Variants in ASIC2 observed in about 807,000 individuals in gnomAD.
ASIC2 encodes acid sensing ion channel subunit 2.
A neutral mutation model predicts 57.3 loss-of-function variants in ASIC2; 25 were observed. The observed-to-expected ratio is 0.44, with a 90% CI of 0.32 to 0.61. The LOEUF (loss-of-function observed/expected upper bound fraction) is 0.61, where lower values mean the gene tolerates loss of function less well. Among genes scored for constraint, ASIC2 ranks in the 20% least tolerant of loss-of-function variants. The probability of loss-of-function intolerance (pLI) is 0.06; values close to 1 mark genes in which losing one functional copy is unlikely to be tolerated. For synonymous variants in ASIC2, 319 were observed against 307.5 expected, an observed-to-expected ratio of 1.04 and a Z score of -0.39; for missense variants, 641 against 738.1, an observed-to-expected ratio of 0.87 and a Z score of 1.52.
Position 33,555,152 on chromosome 17 carries a change from C to T in ASIC2, c.556-443085G>A, listed in dbSNP as rs751240127. On this transcript the variant is annotated intron_variant, in intron 1 of 9. Transcript: ENST00000359872. The stretch of plus-strand genomic sequence containing the variant: ...GATGTCTCAGAAAGTTATGGGCACG[C>T]GGGTAACAGAATGGTCCGTGGCTAC... Among the ~76,000 whole-genome samples the T allele has an allele frequency of 1.8e-4, 28 of 152,096 alleles. 1 individual carries two copies. The highest frequency in any genetic ancestry group is 3.9e-4 in the Admixed American group (6 of 15,260).
chr17:33,164,584 AC>A (rs777552848), intron 1 of ASIC2, among the ~76,000 whole-genome samples: 1 of 151,062 alleles, frequency 6.6e-6, no homozygotes. Context: ...ACGCACACAC[AC>A]ACACACACAC....
chr17:33,162,366 G>C (rs540994793), intron 1 of ASIC2, among the ~76,000 whole-genome samples: 1 of 152,072 alleles, frequency 6.6e-6, no homozygotes, highest in Non-Finnish European at 1.5e-5. Flanking sequence ...AAATCTCCTC[G>C]CACGGAACAT....
At chr17:33,191,719 T>C (rs1906426981) in intron 1 of ASIC2, among the ~76,000 whole-genome samples, 1 of 152,154 alleles carries the variant, frequency 6.6e-6, no homozygotes, top group Admixed American at 6.5e-5. Flanking sequence ...TAATGCCCCA[T>C]GTGATTACAG....
At chr17:33,760,350 T>C (rs1910743348) in intron 1 of ASIC2, among the ~76,000 whole-genome samples, 1 of 152,092 alleles carries the variant, frequency 6.6e-6, no homozygotes, top group African/African-American at 2.4e-5. Context: ...CACTGGATTG[T>C]CAACAGAACA....
intron 1 of ASIC2, chr17:33,932,722 A>AG (rs1915962109): frequency 1.0e-5 from 1 of 95,926 alleles, no homozygotes; most frequent in Non-Finnish European, 2.1e-5. Context: ...TCAAAAAAAA[A>AG]AAAAAAAAAA....
At chr17:33,452,742 T>TGTGTGTGA (rs1288886251) in intron 1 of ASIC2, among the ~76,000 whole-genome samples, 1 of 148,610 alleles carries the variant, frequency 6.7e-6, no homozygotes, top group Non-Finnish European at 1.5e-5. Context: ...GAGTGGGGTG[T>TGTGTGTGA]GTGTGTGTGT....
intron 1 of ASIC2, among the ~76,000 whole-genome samples, chr17:33,388,458 CCA>C (rs1326596526): frequency 1.3e-5 from 2 of 152,206 alleles, no homozygotes; most frequent in African/African-American, 4.8e-5. Flanking sequence ...TACACCCATA[CCA>C]CAGAGAATGA....
intron 1 of ASIC2, among the ~76,000 whole-genome samples, chr17:33,860,431 G>A (rs901775282): frequency 4.6e-5 from 7 of 152,190 alleles, no homozygotes; most frequent in African/African-American, 1.7e-4. Context: ...GGGGGCCAGA[G>A]AGCCTACCCA....
At chr17:33,660,593 C>A (rs1236453693) in intron 1 of ASIC2, among the ~76,000 whole-genome samples, 2 of 152,132 alleles carry the variant, frequency 1.3e-5, no homozygotes, top group Non-Finnish European at 2.9e-5. Flanking sequence ...AAACCAGTAG[C>A]ACAGTCATTT....
chr17:33,697,377 G>C (rs1908560433), intron 1 of ASIC2, among the ~76,000 whole-genome samples: 1 of 152,170 alleles, frequency 6.6e-6, no homozygotes, highest in Non-Finnish European at 1.5e-5. Context: ...TGGTCTTGCT[G>C]TCTCAGGGTT....
chr17:33,632,026 G>A (rs1290389120), intron 1 of ASIC2, among the ~76,000 whole-genome samples: 3 of 152,146 alleles, frequency 2.0e-5, no homozygotes, highest in Non-Finnish European at 4.4e-5. Context: ...GAGGCAGCAT[G>A]GCAGAAGTTA....
At chr17:33,388,941 A>G (rs941855071) in intron 1 of ASIC2, among the ~76,000 whole-genome samples, 17 of 152,254 alleles carry the variant, frequency 1.1e-4, no homozygotes, top group Admixed American at 9.8e-4. Flanking sequence ...GAGCTCATGA[A>G]GAAGTTACTC....
At chr17:33,953,597 G>A (rs1325209397) in intron 1 of ASIC2, among the ~76,000 whole-genome samples, 1 of 152,080 alleles carries the variant, frequency 6.6e-6, no homozygotes, top group Non-Finnish European at 1.5e-5. Flanking sequence ...TCAATGCAGT[G>A]TATAAACCCT....
At position 33,926,957 on chromosome 17, in the gene ASIC2, C is replaced by T. The variant is rs558119339; in HGVS notation, c.555+229021G>A. On this transcript the variant is annotated intron_variant, in intron 1 of 9. Transcript: ENST00000359872. ...ATTTTTTTTTTTTGAGACAGAGTCTCGCTCTGTTGCCCAGACTGGAGTGCA... is the reference window on the plus strand; with the variant it reads ...ATTTTTTTTTTTTGAGACAGAGTCTTGCTCTGTTGCCCAGACTGGAGTGCA... 1.7e-4 allele frequency among the ~76,000 whole-genome samples: 26 copies of T among 152,100 alleles called. 1 individual carries two copies. The South Asian group carries it at 3.7e-3, about 22-fold the overall frequency.
chr17:33,753,163 A>ATT (rs1910486182), intron 1 of ASIC2, among the ~76,000 whole-genome samples: 3 of 152,246 alleles, frequency 2.0e-5, no homozygotes, highest in Admixed American at 2.0e-4. Context: ...AAAGACATGG[A>ATT]GAATCCTAAA....
Position 33,292,806 on chromosome 17 carries a change from C to A in ASIC2, c.-691G>T. On this transcript the variant is annotated 5_prime_UTR_variant, in exon 1 of 10. Coordinates refer to ENST00000225823, the MANE Select transcript of ASIC2 (RefSeq NM_183377.2). ...CCCTTCCTTGTTACTGCTCCCTGGG[C>A]TGCGCTCGGCAGAGACCTGCTTAGG... 5 of 985,942 alleles carry A rather than the reference C, an allele frequency of 5.1e-6. No homozygotes were observed. The highest frequency in any genetic ancestry group is 6.0e-6 in the Non-Finnish European group (5 of 830,356). 61.1% of individuals were successfully genotyped at this position (985,942 alleles called of 1,614,324 possible). A position where few individuals can be genotyped will look rare whatever the true frequency, so the allele number is the denominator to read the frequency against.
intron 1 of ASIC2, among the ~76,000 whole-genome samples, chr17:33,239,133 A>G (rs1908408132): frequency 6.6e-6 from 1 of 152,052 alleles, no homozygotes; most frequent in South Asian, 2.1e-4. Flanking sequence ...TCTACTAAAA[A>G]TACAAAAATT....
chr17:33,540,762 C>T (rs1251440184), intron 1 of ASIC2, among the ~76,000 whole-genome samples: 1 of 152,124 alleles, frequency 6.6e-6, no homozygotes, highest in Non-Finnish European at 1.5e-5. Context: ...TCACTGGGAC[C>T]TACCAGCACA....
At chr17:33,213,113 T>C (rs555810753) in intron 1 of ASIC2, among the ~76,000 whole-genome samples, 80 of 152,346 alleles carry the variant, frequency 5.3e-4, no homozygotes, top group Non-Finnish European at 1.1e-3. Context: ...TCAGCTTTTA[T>C]GAAAGCAGGT....
Sources: gnomAD v4.1 joint callset for allele counts (sites outside exome capture counted in the v4.1 genomes callset) on GRCh38, gnomAD v4.1.1 for gene constraint, MANE v1.5 for transcripts, NCBI Gene and HGNC (gene_info 2026-07-23, HGNC 2026-07-21) for gene names.